The following SYT1 variants were observed in gnomAD, a reference collection of about 807,000 sequenced individuals.
The protein encoded by SYT1 is synaptotagmin 1.
Under a neutral mutation model 44.8 loss-of-function variants are expected in SYT1, and 8 were observed. The ratio of observed to expected loss-of-function variants is 0.18; its 90% CI spans 0.10 to 0.32. The LOEUF (loss-of-function observed/expected upper bound fraction) is 0.32. Ranked by LOEUF, SYT1 falls within the 10% of genes least tolerant of loss-of-function variation. The pLI is 1.00. For synonymous variants in SYT1, 154 were observed against 188.8 expected (o/e 0.82, Z 1.51); for missense variants, 286 against 509.3 (o/e 0.56, Z 4.22).
rs753511954 is a variant in SYT1 at position 79,063,636 on chromosome 12, T to G, written c.-18+16274T>G. On this transcript the variant is annotated intron_variant, in intron 3 of 10. Coordinates refer to ENST00000261205, the MANE Select transcript of SYT1 (RefSeq NM_005639.3). ...TATTATAATGGGTAATAAGTACATTTCTGCCTTATCACCAGTATTTCCAAA... is the reference window on the plus strand; with the variant it reads ...TATTATAATGGGTAATAAGTACATTGCTGCCTTATCACCAGTATTTCCAAA... Among the ~76,000 whole-genome samples the G allele has an allele frequency of 2.0e-5, 3 of 152,306 alleles. 1 individual carries two copies. Among genetic ancestry groups the G allele is most frequent in the Non-Finnish European group, 4.4e-5 (3 of 68,032 alleles).
At chr12:79,101,608 T>C (rs1878449244) in intron 3 of SYT1, among the ~76,000 whole-genome samples, 1 of 152,162 alleles carries the variant, frequency 6.6e-6, no homozygotes. Flanking sequence ...ATAGTCAAGT[T>C]TGTGTTATAT....
At chr12:79,261,164 A>G (rs938731185) in intron 4 of SYT1, among the ~76,000 whole-genome samples, 3 of 152,234 alleles carry the variant, frequency 2.0e-5, no homozygotes, top group Non-Finnish European at 4.4e-5. Context: ...CTTTAGAGCC[A>G]TAAGTTTAAA....
intron 10 of SYT1, among the ~76,000 whole-genome samples, chr12:79,448,279 C>T (rs1008810742): frequency 1.3e-5 from 2 of 152,070 alleles, no homozygotes; most frequent in Non-Finnish European, 1.5e-5. Context: ...ACTAAGAGAA[C>T]GTATGGATGA....
intron 9 of SYT1, among the ~76,000 whole-genome samples, chr12:79,425,772 G>A (rs1869408114): frequency 1.3e-5 from 2 of 152,154 alleles, no homozygotes; most frequent in African/African-American, 4.8e-5. Context: ...CACAGTCAGT[G>A]TAAAATGTTG....
intron 3 of SYT1, among the ~76,000 whole-genome samples, chr12:79,053,663 T>A (rs1354246197): frequency 2.0e-5 from 3 of 149,872 alleles, no homozygotes; most frequent in African/African-American, 4.9e-5. Flanking sequence ...TAAAAATAAT[T>A]AAAATTTATA....
chr12:79,110,147 C>T (rs1878933118), intron 3 of SYT1, among the ~76,000 whole-genome samples: 1 of 152,062 alleles, frequency 6.6e-6, no homozygotes, highest in African/African-American at 2.4e-5. Flanking sequence ...GAAGAGTAAA[C>T]CTTACTTTAA....
intron 3 of SYT1, among the ~76,000 whole-genome samples, chr12:79,103,704 T>C (rs992903332): frequency 5.3e-5 from 8 of 151,490 alleles, no homozygotes; most frequent in African/African-American, 1.7e-4. Flanking sequence ...AAGAATGATG[T>C]GACCTCTTAG....
chr12:79,179,476 TAG>T (rs371819641), intron 3 of SYT1, among the ~76,000 whole-genome samples: 1,023 of 56,380 alleles, frequency 0.018, 29 homozygotes, highest in Middle Eastern at 0.068. Flanking sequence ...GATATAGATA[TAG>T]AGATATAGAT....
intron 3 of SYT1, among the ~76,000 whole-genome samples, chr12:79,199,985 A>G (rs1459646913): frequency 1.3e-5 from 2 of 152,138 alleles, no homozygotes; most frequent in Non-Finnish European, 1.5e-5. Context: ...GTTTAAGAAT[A>G]GGTAGCATAA....
chr12:79,372,215 T>G (rs1318702786), intron 9 of SYT1, among the ~76,000 whole-genome samples: 1 of 152,172 alleles, frequency 6.6e-6, no homozygotes, highest in African/African-American at 2.4e-5. Flanking sequence ...TAGCATCGCC[T>G]AGCACATTGT....
chr12:79,269,629 GTC>G (rs1470759384), intron 4 of SYT1, among the ~76,000 whole-genome samples: 2 of 152,022 alleles, frequency 1.3e-5, no homozygotes, highest in Non-Finnish European at 2.9e-5. Flanking sequence ...GAGTCCAGTT[GTC>G]TTCCAGACCT....
At chr12:79,079,811 C>A (rs1457664820) in intron 3 of SYT1, among the ~76,000 whole-genome samples, 1 of 151,944 alleles carries the variant, frequency 6.6e-6, no homozygotes, top group Non-Finnish European at 1.5e-5. Flanking sequence ...GATTTTAGAT[C>A]TTAAAGTTGT....
At chr12:79,048,150 A>G (rs972146677) in intron 3 of SYT1, among the ~76,000 whole-genome samples, 24 of 151,906 alleles carry the variant, frequency 1.6e-4, no homozygotes, top group Admixed American at 1.4e-3. Context: ...TTCAAACTCA[A>G]TGTTTCAAAA....
chr12:79,089,036 A>G (rs1236632497), intron 3 of SYT1, among the ~76,000 whole-genome samples: 1 of 152,042 alleles, frequency 6.6e-6, no homozygotes, highest in Non-Finnish European at 1.5e-5. Context: ...ATAATATGGT[A>G]TTGCAAAAGA....
chr12:78,971,671 T>C (rs193293619), intron 1 of SYT1, among the ~76,000 whole-genome samples: 1 of 152,306 alleles, frequency 6.6e-6, no homozygotes, highest in East Asian at 1.9e-4. Context: ...TTTCTACGTA[T>C]TTTATACTAT....
chr12:79,039,293 C>A (rs1277995487), intron 2 of SYT1, among the ~76,000 whole-genome samples: 1 of 151,970 alleles, frequency 6.6e-6, no homozygotes, highest in Non-Finnish European at 1.5e-5. Flanking sequence ...AAACACACAA[C>A]CCTACCTAAA....
chr12:79,077,380 T>C (rs183838265), intron 3 of SYT1, among the ~76,000 whole-genome samples: 1 of 152,302 alleles, frequency 6.6e-6, no homozygotes, highest in East Asian at 1.9e-4. Context: ...ATCTACCATT[T>C]GACACTGGAT....
intron 2 of SYT1, among the ~76,000 whole-genome samples, chr12:79,020,569 T>G (rs1319585475): frequency 6.6e-6 from 1 of 151,942 alleles, no homozygotes; most frequent in East Asian, 1.9e-4. Context: ...GAAGTGTGAT[T>G]TCTTTATTCT....
chr12:79,025,066 C>T (rs1872439150), intron 2 of SYT1, among the ~76,000 whole-genome samples: 1 of 151,772 alleles, frequency 6.6e-6, no homozygotes, highest in Non-Finnish European at 1.5e-5. Flanking sequence ...CAGATGTATA[C>T]ATTAATGAAC....
Sources: allele counts gnomAD v4.1 joint callset (sites outside exome capture counted in the v4.1 genomes callset), GRCh38; gene constraint gnomAD v4.1.1; transcripts MANE v1.5; gene names NCBI Gene and HGNC (gene_info 2026-07-23, HGNC 2026-07-21).